The following MAF variants were observed in gnomAD, a reference collection of about 807,000 sequenced individuals.
MAF encodes MAF bZIP transcription factor, also known as transcription factor Maf.
A neutral mutation model predicts 22.0 loss-of-function variants in MAF; 10 were observed. The ratio of observed to expected loss-of-function variants is 0.45; its 90% confidence interval spans 0.28 to 0.77. The LOEUF is 0.77. Among genes scored for constraint, MAF ranks in the 30% least tolerant of loss-of-function variants. The pLI is 0.12. For missense variants in MAF, 544 were observed against 548.4 expected (o/e 0.99, Z 0.08); for synonymous variants, 337 against 255.8 (o/e 1.32, Z -3.03).
the MAF span, among the ~76,000 whole-genome samples, chr16:79,468,945 T>G: frequency 6.6e-6 from 1 of 152,110 alleles, no homozygotes; most frequent in Non-Finnish European, 1.5e-5. Context: ...CACACTTCCT[T>G]TTTAATAGCC....
the MAF span, among the ~76,000 whole-genome samples, chr16:79,351,540 CACCCAGAATCTCAGAGTCACAGAG>C: frequency 1.8e-4 from 28 of 152,260 alleles, no homozygotes; most frequent in Admixed American, 1.0e-3. Flanking sequence ...GCAGAATGAT[CACCCAGAATCTCAGAGTCACAGAG>C]ACCCAGAATC....
chr16:79,551,466 T>C, the MAF span, among the ~76,000 whole-genome samples: 18 of 152,320 alleles, frequency 1.2e-4, no homozygotes, highest in African/African-American at 4.1e-4. Context: ...CTCTCCTTTT[T>C]GATGAGATTC....
chr16:79,551,768 G>A, the MAF span, among the ~76,000 whole-genome samples: 1 of 152,122 alleles, frequency 6.6e-6, no homozygotes, highest in Non-Finnish European at 1.5e-5. Context: ...TAAATGCTAT[G>A]CCCATTCATT....
chr16:79,486,113 A>G, the MAF span, among the ~76,000 whole-genome samples: 1 of 152,170 alleles, frequency 6.6e-6, no homozygotes, highest in African/African-American at 2.4e-5. Context: ...TCCAATAACT[A>G]TCGCTTCCAT....
the MAF span, among the ~76,000 whole-genome samples, chr16:79,453,241 T>A: frequency 6.6e-6 from 1 of 152,300 alleles, no homozygotes; most frequent in South Asian, 2.1e-4. Flanking sequence ...AATAATGGTG[T>A]CCTTAGGGAC....
At chr16:79,234,664 G>A in the MAF span, among the ~76,000 whole-genome samples, 1 of 152,074 alleles carries the variant, frequency 6.6e-6, no homozygotes, top group Non-Finnish European at 1.5e-5. Flanking sequence ...CCACACCTTT[G>A]TCCTAGCAGA....
At chr16:79,318,794 T>A in the MAF span, among the ~76,000 whole-genome samples, 1 of 152,292 alleles carries the variant, frequency 6.6e-6, no homozygotes, top group East Asian at 1.9e-4. Flanking sequence ...GAAAAGAGCA[T>A]CTCAGGACAC....
chr16:79,507,055 T>C, the MAF span, among the ~76,000 whole-genome samples: 1 of 152,278 alleles, frequency 6.6e-6, no homozygotes, highest in Non-Finnish European at 1.5e-5. Flanking sequence ...ACCTCTGCTG[T>C]TTGTGTGTAC....
the MAF span, among the ~76,000 whole-genome samples, chr16:79,564,462 C>A: frequency 0.013 from 1,905 of 152,324 alleles, 33 homozygotes; most frequent in African/African-American, 0.044. Flanking sequence ...ACTGGGCACA[C>A]TGGTTTACTT....
chr16:79,347,832 A>C, the MAF span, among the ~76,000 whole-genome samples: 1 of 152,168 alleles, frequency 6.6e-6, no homozygotes, highest in Non-Finnish European at 1.5e-5. Context: ...CTCAGGAACC[A>C]TGGATTCTTT....
At chr16:79,388,585 T>C in the MAF span, among the ~76,000 whole-genome samples, 1 of 152,220 alleles carries the variant, frequency 6.6e-6, no homozygotes, top group Non-Finnish European at 1.5e-5. Flanking sequence ...TCTCTCTCTA[T>C]CTATAAGCCT....
the MAF span, among the ~76,000 whole-genome samples, chr16:79,452,936 C>T: frequency 4.5e-4 from 69 of 152,134 alleles, no homozygotes; most frequent in African/African-American, 1.5e-3. Context: ...GTTATATGAG[C>T]GAGGAATTAA....
At chr16:79,549,139 G>C in the MAF span, among the ~76,000 whole-genome samples, 1,014 of 152,310 alleles carry the variant, frequency 6.7e-3, 8 homozygotes, top group African/African-American at 0.023. Flanking sequence ...CATACATATA[G>C]TTAATGGGAT....
chr16:79,385,865 C>T, the MAF span, among the ~76,000 whole-genome samples: 1 of 152,136 alleles, frequency 6.6e-6, no homozygotes, highest in Non-Finnish European at 1.5e-5. Context: ...CAAGATAGTG[C>T]CACTGCACTC....
At chr16:79,243,915 T>G in the MAF span, among the ~76,000 whole-genome samples, 1 of 151,936 alleles carries the variant, frequency 6.6e-6, no homozygotes, top group Non-Finnish European at 1.5e-5. Context: ...GTTCAACATA[T>G]GCAAATCAAT....
At chr16:79,568,968 C>T in the MAF span, among the ~76,000 whole-genome samples, 1 of 152,174 alleles carries the variant, frequency 6.6e-6, no homozygotes, top group Admixed American at 6.5e-5. Context: ...AGGTTAAGCC[C>T]CCTCATGCAA....
Position 79,599,680 on chromosome 16 carries a change from C to T in MAF, c.223G>A (p.Ala75Thr). ...SSVPPSPSFS[A>T]PSPGSGSEQK... ...TCGCTGCCCGAGCCCGGGCTGGGCGCCGAGAAGCTGGGGGAAGGGGGCACC... is the reference window on the plus strand; with the variant it reads ...TCGCTGCCCGAGCCCGGGCTGGGCGTCGAGAAGCTGGGGGAAGGGGGCACC... The change falls in exon 1 of 2, where the codon GCG becomes ACG. Residue 75 changes from alanine (A) to threonine (T), a missense_variant. Physicochemically the swap from Ala to Thr is moderately conservative, Grantham distance 58. Transcript: ENST00000326043. 1 of 1,612,224 alleles carries T rather than the reference C, an allele frequency of 6.2e-7. No individual in the cohort carries two copies. The highest frequency in any genetic ancestry group is 8.5e-7 in the Non-Finnish European group (1 of 1,179,660).
At chr16:79,383,536 A>T in the MAF span, among the ~76,000 whole-genome samples, 1 of 152,226 alleles carries the variant, frequency 6.6e-6, no homozygotes, top group African/African-American at 2.4e-5. Context: ...TCTCAAGAAA[A>T]TGCAAGGATG....
At chr16:79,505,393 C>A in the MAF span, among the ~76,000 whole-genome samples, 1 of 152,104 alleles carries the variant, frequency 6.6e-6, no homozygotes, top group African/African-American at 2.4e-5. Context: ...GCTGGTTTGT[C>A]CTTGTCCCTC....
Sources: gnomAD v4.1 joint callset for allele counts (sites outside exome capture counted in the v4.1 genomes callset) on GRCh38, gnomAD v4.1.1 for gene constraint, MANE v1.5 for transcripts, NCBI Gene and HGNC (gene_info 2026-07-23, HGNC 2026-07-21) for gene names.